LHFPL6: variants seen among roughly 807,000 people sequenced by gnomAD.
LHFPL6 encodes LHFPL tetraspan subfamily member 6.
In LHFPL6, 9 loss-of-function variants were observed where a neutral mutation model predicts 20.6. The ratio of observed to expected loss-of-function variants is 0.44; its 90% CI spans 0.26 to 0.76. The LOEUF (loss-of-function observed/expected upper bound fraction) is 0.76. LHFPL6 is among the 30% of genes least tolerant of loss of function. The pLI is 0.20. For synonymous variants in LHFPL6, 105 were observed against 98.7 expected (o/e 1.06, Z -0.38); for missense variants, 218 against 253.5 (o/e 0.86, Z 0.95).
chr13:39,489,758 T>C (rs1237439210), intron 2 of LHFPL6, among the ~76,000 whole-genome samples: 1 of 152,110 alleles, frequency 6.6e-6, no homozygotes, highest in Non-Finnish European at 1.5e-5. Flanking sequence ...TTTCACTATG[T>C]TGCCCAGCCC....
At chr13:39,477,831 C>A (rs189698435) in intron 2 of LHFPL6, among the ~76,000 whole-genome samples, 91 of 152,260 alleles carry the variant, frequency 6.0e-4, no homozygotes, top group African/African-American at 2.2e-3. Context: ...TGTCAAGCAT[C>A]TAGAAGCATA....
intron 2 of LHFPL6, among the ~76,000 whole-genome samples, chr13:39,543,433 A>G (rs1184456365): frequency 6.6e-6 from 1 of 152,108 alleles, no homozygotes; most frequent in Non-Finnish European, 1.5e-5. Flanking sequence ...TTATCCCACC[A>G]TCTGTCATGG....
At chr13:39,576,243 T>C (rs956625558) in intron 2 of LHFPL6, among the ~76,000 whole-genome samples, 13 of 152,194 alleles carry the variant, frequency 8.5e-5, no homozygotes, top group Admixed American at 7.9e-4. Context: ...GATTTACTAG[T>C]ACAGCACAGT....
At chr13:39,490,095 CA>C (rs1555264627) in intron 2 of LHFPL6, among the ~76,000 whole-genome samples, 20 of 68,038 alleles carry the variant, frequency 2.9e-4, no homozygotes, top group Non-Finnish European at 5.0e-4. Context: ...AACAAACAAA[CA>C]AAAAAAAAAA....
chr13:39,344,744 T>TTTATC (rs1339640140), intron 3 of LHFPL6, among the ~76,000 whole-genome samples: 4 of 152,240 alleles, frequency 2.6e-5, no homozygotes, highest in African/African-American at 9.6e-5. Flanking sequence ...TTTATCTGTA[T>TTTATC]TGTCTTTGTC....
intron 2 of LHFPL6, among the ~76,000 whole-genome samples, chr13:39,465,387 T>C (rs1432162300): frequency 6.6e-6 from 1 of 152,184 alleles, no homozygotes; most frequent in African/African-American, 2.4e-5. Context: ...TCTAGGCTCT[T>C]GCCTGTCTCT....
intron 2 of LHFPL6, among the ~76,000 whole-genome samples, chr13:39,498,099 A>G (rs1566125242): frequency 6.6e-6 from 1 of 152,312 alleles, no homozygotes; most frequent in East Asian, 1.9e-4. Context: ...CTTTATTACC[A>G]TATGGCACAT....
At chr13:39,396,065 T>C (rs1208084807) in intron 2 of LHFPL6, among the ~76,000 whole-genome samples, 2 of 152,146 alleles carry the variant, frequency 1.3e-5, no homozygotes, top group Admixed American at 1.3e-4. Flanking sequence ...ATGGAACATC[T>C]AGTTTTGCAG....
chr13:39,451,800 A>G (rs111972042), intron 2 of LHFPL6, among the ~76,000 whole-genome samples: 9 of 152,362 alleles, frequency 5.9e-5, no homozygotes, highest in African/African-American at 1.9e-4. Context: ...ACCCTTTACT[A>G]ATATTCCTAA....
intron 2 of LHFPL6, among the ~76,000 whole-genome samples, chr13:39,460,644 G>A (rs531846337): frequency 6.6e-6 from 1 of 152,306 alleles, no homozygotes; most frequent in South Asian, 2.1e-4. Context: ...TGGCTATTTT[G>A]AGAGTCATGC....
chr13:39,393,139 A>G (rs1258840877), intron 2 of LHFPL6, among the ~76,000 whole-genome samples: 1 of 152,234 alleles, frequency 6.6e-6, no homozygotes, highest in Admixed American at 6.5e-5. Flanking sequence ...TTGGTATCTA[A>G]GAAAGGTCCT....
chr13:39,564,503 T>C (rs1871650678), intron 2 of LHFPL6, among the ~76,000 whole-genome samples: 1 of 152,118 alleles, frequency 6.6e-6, no homozygotes, highest in Non-Finnish European at 1.5e-5. Context: ...GCATTAAAAA[T>C]GGCCTTTGAC....
At position 39,601,251 on chromosome 13, in the gene LHFPL6, A is replaced by G. The variant is rs41286959; in HGVS notation, c.-35T>C. ...GATAGGGCAATGAGGACCCCAAGTA[A>G]GTGTTCAGGGACTGCAGGAGTGAAT... On this transcript the variant is annotated 5_prime_UTR_variant, in exon 2 of 4. Coordinates refer to ENST00000379589, the MANE Select transcript of LHFPL6 (RefSeq NM_005780.3). 7.3e-4 allele frequency: 1,152 copies of G among 1,575,004 alleles called. 7 individuals are homozygous for G. Among genetic ancestry groups the G allele is most frequent in the Middle Eastern group, 6.4e-3 (37 of 5,814 alleles).
intron 2 of LHFPL6, among the ~76,000 whole-genome samples, chr13:39,429,926 T>G (rs1050057382): frequency 1.3e-5 from 2 of 152,258 alleles, no homozygotes; most frequent in African/African-American, 4.8e-5. Context: ...TTCCCTGGCT[T>G]GTAGGGCACC....
At chr13:39,563,242 T>C (rs1020926895) in intron 2 of LHFPL6, among the ~76,000 whole-genome samples, 2 of 151,366 alleles carry the variant, frequency 1.3e-5, no homozygotes, top group African/African-American at 4.9e-5. Flanking sequence ...AAACTAAAAA[T>C]AAAAGGGAGC....
intron 2 of LHFPL6, among the ~76,000 whole-genome samples, chr13:39,522,370 G>C (rs138075899): frequency 2.6e-5 from 4 of 152,344 alleles, no homozygotes; most frequent in Non-Finnish European, 5.9e-5. Flanking sequence ...TCTGGCTCCA[G>C]AGTCCATGCT....
chr13:39,412,802 A>C lies in LHFPL6; in HGVS notation c.386-34276T>G, dbSNP rs538073996. On this transcript the variant is annotated intron_variant, in intron 2 of 3. Transcript: ENST00000379589. ...GCCAGGTGTGGTGGCGGGCTCCTGT[A>C]ATCCCAGCTACTCGGGAGGCTGAGG... Among the ~76,000 whole-genome samples the C allele has an allele frequency of 1.5e-3, 231 of 152,234 alleles. 4 individuals carry two copies. In the South Asian group the frequency reaches 0.031, roughly 20 times the overall value.
At chr13:39,556,995 C>A (rs1190027735) in intron 2 of LHFPL6, among the ~76,000 whole-genome samples, 1 of 152,082 alleles carries the variant, frequency 6.6e-6, no homozygotes, top group Non-Finnish European at 1.5e-5. Context: ...AGGAGCAGAG[C>A]ATAAAAGTCT....
At chr13:39,504,934 G>C (rs1869422110) in intron 2 of LHFPL6, among the ~76,000 whole-genome samples, 1 of 152,000 alleles carries the variant, frequency 6.6e-6, no homozygotes, top group South Asian at 2.1e-4. Flanking sequence ...AAAATGACCT[G>C]GCTCATTACA....
Sources: allele counts gnomAD v4.1 joint callset (sites outside exome capture counted in the v4.1 genomes callset), GRCh38; gene constraint gnomAD v4.1.1; transcripts MANE v1.5; gene names NCBI Gene and HGNC (gene_info 2026-07-23, HGNC 2026-07-21).